SCAI: variants seen among roughly 807,000 people sequenced by gnomAD.
SCAI encodes the protein protein SCAI.
Under a neutral mutation model 92.2 loss-of-function variants are expected in SCAI, and 24 were observed. That is an observed-to-expected ratio of 0.26 (90% confidence interval 0.19 to 0.37). The LOEUF is 0.37. SCAI is among the 10% of genes least tolerant of loss of function. The pLI, the probability that SCAI is intolerant of heterozygous loss-of-function variation, is 1.00. For synonymous variants in SCAI, 261 were observed against 258.6 expected (o/e 1.01, Z -0.09); for missense variants, 450 against 736.2 (o/e 0.61, Z 4.50).
chr9:125,008,837 T>C (rs1244298367), intron 9 of SCAI, among the ~76,000 whole-genome samples: 1 of 152,066 alleles, frequency 6.6e-6, no homozygotes, highest in Non-Finnish European at 1.5e-5. Context: ...CATAAACCCA[T>C]AGATTCAAGA....
At chr9:125,050,078 GA>G (rs201408620) in intron 3 of SCAI, among the ~76,000 whole-genome samples, 47 of 138,608 alleles carry the variant, frequency 3.4e-4, no homozygotes, top group African/African-American at 6.6e-4. Flanking sequence ...TGGAAAAGGA[GA>G]AAAAAAAAAA....
intron 15 of SCAI, among the ~76,000 whole-genome samples, chr9:124,974,458 A>G (rs965275954): frequency 2.0e-5 from 3 of 152,002 alleles, no homozygotes; most frequent in African/African-American, 4.8e-5. Context: ...AAAAAAAAAA[A>G]AAAAAAAATT....
chr9:125,104,603 TA>T (rs34277435), intron 2 of SCAI, among the ~76,000 whole-genome samples: 51,461 of 130,356 alleles, frequency 0.39, 9,682 homozygotes, highest in East Asian at 0.61. Flanking sequence ...TGTTTTACTT[TA>T]AAAAAAAAAA....
intron 17 of SCAI, among the ~76,000 whole-genome samples, chr9:124,958,713 C>T: frequency 6.6e-6 from 1 of 151,982 alleles, no homozygotes; most frequent in Non-Finnish European, 1.5e-5. Context: ...TCGAGATCAG[C>T]CTGGCCAACA....
chr9:125,041,301 G>A (rs1433281262), intron 3 of SCAI, among the ~76,000 whole-genome samples: 1 of 152,124 alleles, frequency 6.6e-6, no homozygotes, highest in Non-Finnish European at 1.5e-5. Context: ...GTTACATCAG[G>A]AAGACCTAAT....
chr9:125,104,213 A>T (rs1834730969), intron 2 of SCAI, among the ~76,000 whole-genome samples: 1 of 152,228 alleles, frequency 6.6e-6, no homozygotes, highest in South Asian at 2.1e-4. Context: ...ATTACAACAG[A>T]GCTGACATCG....
chr9:125,126,365 A>C (rs1175525795), intron 2 of SCAI, among the ~76,000 whole-genome samples: 1 of 151,524 alleles, frequency 6.6e-6, no homozygotes, highest in African/African-American at 2.4e-5. Context: ...CATACCATGG[A>C]GTTAGCCTCC....
At chr9:125,134,740 G>C (rs542825009) in intron 2 of SCAI, among the ~76,000 whole-genome samples, 1 of 152,212 alleles carries the variant, frequency 6.6e-6, no homozygotes, top group Non-Finnish European at 1.5e-5. Flanking sequence ...GCAATGGCAC[G>C]ATCTCGGCTC....
At chr9:125,046,154 C>A (rs1833428495) in intron 3 of SCAI, among the ~76,000 whole-genome samples, 1 of 122,970 alleles carries the variant, frequency 8.1e-6, no homozygotes, top group Non-Finnish European at 1.6e-5. Context: ...ATGGAACCAG[C>A]CCAAGTGCCC....
At chr9:125,027,497 CCTTTTCTTTT>C (rs375691027) in intron 5 of SCAI, among the ~76,000 whole-genome samples, 1 of 151,850 alleles carries the variant, frequency 6.6e-6, no homozygotes, top group South Asian at 2.1e-4. Context: ...AGTTTTATTG[CCTTTTCTTTT>C]CTTTTCTTTT....
chr9:125,106,659 TCA>T (rs1245061162), intron 2 of SCAI, among the ~76,000 whole-genome samples: 1 of 151,446 alleles, frequency 6.6e-6, no homozygotes, highest in East Asian at 1.9e-4. Flanking sequence ...ACAATCTCTC[TCA>T]AAGAGAAATC....
At chr9:125,039,400 A>AAAAAG (rs1564389178) in intron 3 of SCAI, among the ~76,000 whole-genome samples, 75 of 150,132 alleles carry the variant, frequency 5.0e-4, no homozygotes, top group East Asian at 7.8e-4. Context: ...AAAAAAAAAA[A>AAAAAG]AAAAGAAAAG....
chr9:125,068,411 G>C (rs1588194614), intron 2 of SCAI, among the ~76,000 whole-genome samples: 1 of 152,146 alleles, frequency 6.6e-6, no homozygotes, highest in Non-Finnish European at 1.5e-5. Flanking sequence ...GAGGCAGGAG[G>C]ATCCCCTGAG....
chr9:125,046,196 G>GAGAGATATATATATAT (rs371482525), intron 3 of SCAI, among the ~76,000 whole-genome samples: 1 of 51,868 alleles, frequency 1.9e-5, no homozygotes, highest in African/African-American at 7.5e-5. Context: ...GAAATTGTGA[G>GAGAGATATATATATAT]ATATATATAT....
rs116499642 is a variant in SCAI, at chr9:125,029,234, G to T, written c.326+410C>A. On this transcript the variant is annotated intron_variant, in intron 4 of 17. Coordinates refer to ENST00000336505, the MANE Select transcript of SCAI (RefSeq NM_001144877.3). ...ACTTCAGGGTTCAAGCGATTCTCGT[G>T]CCACAGCCTCCTAAGTAGCTGGGAT... Among the ~76,000 whole-genome samples, 1,120 of 152,192 alleles carry T rather than the reference G, an allele frequency of 7.4e-3. 12 individuals carry two copies. The highest frequency in any genetic ancestry group is 0.035 in the East Asian group (180 of 5,176).
intron 2 of SCAI, among the ~76,000 whole-genome samples, chr9:125,067,952 A>T (rs928301949): frequency 6.6e-6 from 1 of 152,246 alleles, no homozygotes; most frequent in Non-Finnish European, 1.5e-5. Flanking sequence ...GCAACAAGAA[A>T]AACTGCCTCT....
chr9:125,021,128 T>C (rs1478655550), intron 6 of SCAI, among the ~76,000 whole-genome samples: 1 of 152,182 alleles, frequency 6.6e-6, no homozygotes, highest in Non-Finnish European at 1.5e-5. Flanking sequence ...CGGAATAATA[T>C]AATGATAGGA....
chr9:124,983,563 G>A (rs892656638), intron 14 of SCAI, among the ~76,000 whole-genome samples: 35 of 152,110 alleles, frequency 2.3e-4, no homozygotes, highest in African/African-American at 8.2e-4. Flanking sequence ...ATGTTGGCAA[G>A]GCTGGTCTCG....
At chr9:125,126,362 T>C (rs186704763) in intron 2 of SCAI, among the ~76,000 whole-genome samples, 14 of 151,944 alleles carry the variant, frequency 9.2e-5, no homozygotes, top group African/African-American at 2.9e-4. Context: ...CCTCATACCA[T>C]GGAGTTAGCC....
Sources: gnomAD v4.1 joint callset for allele counts (sites outside exome capture counted in the v4.1 genomes callset) on GRCh38, gnomAD v4.1.1 for gene constraint, MANE v1.5 for transcripts, NCBI Gene and HGNC (gene_info 2026-07-23, HGNC 2026-07-21) for gene names.